FOXO3: variants seen among roughly 807,000 people sequenced by gnomAD.
The protein encoded by FOXO3 is forkhead box protein O3.
In FOXO3, 4 loss-of-function variants were observed where a neutral mutation model predicts 41.9. That is an observed-to-expected ratio of 0.10 (90% CI 0.05 to 0.22). FOXO3 has a LOEUF of 0.22. Ranked by LOEUF, FOXO3 falls within the 10% of genes least tolerant of loss-of-function variation. FOXO3 has a pLI of 1.00. For missense variants in FOXO3, 534 were observed against 906.8 expected, an observed-to-expected ratio of 0.59 and a Z score of 5.28; for synonymous variants, 318 against 389.3, an observed-to-expected ratio of 0.82 and a Z score of 2.16.
intron 1 of FOXO3, among the ~76,000 whole-genome samples, chr6:108,594,578 T>C (rs1188621880): frequency 6.6e-6 from 1 of 152,160 alleles, no homozygotes; most frequent in Admixed American, 6.5e-5. Flanking sequence ...CCGCTAATGC[T>C]TCTTTTGGGC....
chr6:108,678,020 A>G (rs984900363), intron 2 of FOXO3, among the ~76,000 whole-genome samples: 2 of 152,332 alleles, frequency 1.3e-5, no homozygotes, highest in Admixed American at 1.3e-4. Context: ...TATTGTCCCT[A>G]CCTCCAGTAA....
chr6:108,622,440 A>AAGG (rs1233436580), intron 1 of FOXO3, among the ~76,000 whole-genome samples: 1 of 152,144 alleles, frequency 6.6e-6, no homozygotes, highest in African/African-American at 2.4e-5. Flanking sequence ...AAATGAGAGG[A>AAGG]AGGAGTCCTT....
intron 1 of FOXO3, among the ~76,000 whole-genome samples, chr6:108,569,372 A>G (rs981976996): frequency 6.6e-6 from 1 of 152,186 alleles, no homozygotes; most frequent in Non-Finnish European, 1.5e-5. Flanking sequence ...ATTTCCCAGT[A>G]TCTTAGTCTC....
chr6:108,618,898 T>C (rs918141494), intron 1 of FOXO3, among the ~76,000 whole-genome samples: 11 of 152,214 alleles, frequency 7.2e-5, no homozygotes, highest in Admixed American at 2.0e-4. Context: ...TAATCTGTGT[T>C]ACCTCTACTC....
intron 1 of FOXO3, among the ~76,000 whole-genome samples, chr6:108,599,088 A>G (rs1395067086): frequency 3.3e-5 from 5 of 152,210 alleles, no homozygotes; most frequent in Admixed American, 3.3e-4. Context: ...CCTAGACCAG[A>G]GTAACTTTGT....
chr6:108,637,686 T>C (rs1053028481), intron 1 of FOXO3, among the ~76,000 whole-genome samples: 1 of 152,048 alleles, frequency 6.6e-6, no homozygotes, highest in African/African-American at 2.4e-5. Context: ...TGCCTCAGAG[T>C]CAGCAGTGCA....
intron 2 of FOXO3, among the ~76,000 whole-genome samples, chr6:108,668,956 A>G (rs1779134738): frequency 6.6e-6 from 1 of 151,922 alleles, no homozygotes; most frequent in Admixed American, 6.6e-5. Context: ...CTAAAAATAC[A>G]AAAAAATTAG....
chr6:108,680,763 A>AC lies in FOXO3; in HGVS notation c.*971_*972insC, dbSNP rs1351921870. 8.6e-5 allele frequency: 12 copies of AC among 139,572 alleles called. No individual in the cohort carries two copies. In the South Asian group the frequency reaches 1.6e-3, roughly 18 times the overall value. The allele number at this position is 139,572 out of a possible 1,614,324, so 8.6% of individuals were successfully genotyped here. A position where few individuals can be genotyped will look rare whatever the true frequency, so the allele number is the denominator to read the frequency against. On this transcript the variant is annotated 3_prime_UTR_variant, in exon 3 of 3. Transcript: ENST00000406360. ...GGAGAAAGAAAAGGAAAAAAAAAAA[A>AC]AACAAAAAAGTCCTGTTTTGCTTTG...
intron 1 of FOXO3, among the ~76,000 whole-genome samples, chr6:108,634,256 A>T (rs188164189): frequency 1.1e-4 from 16 of 152,294 alleles, no homozygotes; most frequent in African/African-American, 3.8e-4. Flanking sequence ...ATTTATCAAG[A>T]GATGCAGTTC....
chr6:108,650,455 C>T (rs1485314083), intron 1 of FOXO3, among the ~76,000 whole-genome samples: 1 of 152,178 alleles, frequency 6.6e-6, no homozygotes, highest in Non-Finnish European at 1.5e-5. Flanking sequence ...GCATGACTGT[C>T]CTTGCCAGTT....
At chr6:108,565,790 T>C (rs1458833242) in intron 1 of FOXO3, among the ~76,000 whole-genome samples, 1 of 152,254 alleles carries the variant, frequency 6.6e-6, no homozygotes, top group Non-Finnish European at 1.5e-5. Context: ...GTTTCTGTTC[T>C]TTAGATTAAT....
intron 1 of FOXO3, among the ~76,000 whole-genome samples, chr6:108,621,740 G>GA (rs531352559): frequency 1.4e-4 from 21 of 152,224 alleles, no homozygotes; most frequent in Middle Eastern, 3.4e-3. Flanking sequence ...ATGTGGGAGA[G>GA]AAAATTGAAG....
rs150764759 is a variant in FOXO3, at chr6:108,630,027, C to G, written c.622-33428C>G. Among the ~76,000 whole-genome samples, 32 of 152,280 alleles carry G rather than the reference C, an allele frequency of 2.1e-4. 1 individual carries two copies. The highest frequency in any genetic ancestry group is 7.2e-4 in the African/African-American group (30 of 41,566). ...AAAATGTTTTTAAACATGACCAGTTCTTTTCTACTATATTGGTCTAAACTC... is the reference window on the plus strand; with the variant it reads ...AAAATGTTTTTAAACATGACCAGTTGTTTTCTACTATATTGGTCTAAACTC... On this transcript the variant is annotated intron_variant, in intron 1 of 2. Transcript: ENST00000406360.
chr6:108,646,278 C>T (rs976421868), intron 1 of FOXO3, among the ~76,000 whole-genome samples: 13 of 152,126 alleles, frequency 8.5e-5, no homozygotes, highest in Non-Finnish European at 1.5e-5. Context: ...CATCTAACTT[C>T]GAAGAAGGCT....
chr6:108,587,802 A>G (rs1776624759), intron 1 of FOXO3, among the ~76,000 whole-genome samples: 2 of 152,196 alleles, frequency 1.3e-5, no homozygotes, highest in South Asian at 4.1e-4. Flanking sequence ...TGGAACCTGG[A>G]ACTTTTCTTT....
intron 1 of FOXO3, among the ~76,000 whole-genome samples, chr6:108,567,435 C>T (rs1219915679): frequency 6.6e-6 from 1 of 152,056 alleles, no homozygotes; most frequent in Non-Finnish European, 1.5e-5. Context: ...TAGATCTGGC[C>T]TTCCTCTGGA....
intron 1 of FOXO3, among the ~76,000 whole-genome samples, chr6:108,586,920 A>G (rs1260757000): frequency 6.8e-6 from 1 of 148,042 alleles, no homozygotes; most frequent in Non-Finnish European, 1.5e-5. Flanking sequence ...CATTCTCACT[A>G]TAAACCTGAA....
chr6:108,666,035 G>A lies in FOXO3; in HGVS notation c.*34+1146G>A, dbSNP rs1271478777. ...ATCAGGCAGTGTGATGTAAGAAAAAGCATTTGATTGAAATCAGGAATTGAG... is the reference window on the plus strand; with the variant it reads ...ATCAGGCAGTGTGATGTAAGAAAAAACATTTGATTGAAATCAGGAATTGAG... On this transcript the variant is annotated intron_variant, in intron 2 of 2. Transcript: ENST00000406360. 2.6e-5 allele frequency among the ~76,000 whole-genome samples: 4 copies of A among 152,064 alleles called. No individual in the cohort carries two copies. In the East Asian group the frequency reaches 7.8e-4, roughly 29 times the overall value.
At chr6:108,649,488 A>G (rs1778488315) in intron 1 of FOXO3, among the ~76,000 whole-genome samples, 1 of 142,584 alleles carries the variant, frequency 7.0e-6, no homozygotes, top group Non-Finnish European at 1.5e-5. Flanking sequence ...TAAGTAGCTG[A>G]TATCCCTAGT....
Sources: allele counts gnomAD v4.1 joint callset (sites outside exome capture counted in the v4.1 genomes callset), GRCh38; gene constraint gnomAD v4.1.1; transcripts MANE v1.5; gene names NCBI Gene and HGNC (gene_info 2026-07-23, HGNC 2026-07-21).